The following STIL variants were observed in gnomAD, a reference collection of about 807,000 sequenced individuals.
STIL encodes the protein SCL-interrupting locus protein.
In STIL, 55 loss-of-function variants were observed where a neutral mutation model predicts 110.1. The observed-to-expected ratio is 0.50, with a 90% CI of 0.40 to 0.63. STIL has a LOEUF of 0.63. Among genes scored for constraint, STIL ranks in the 20% least tolerant of loss-of-function variants. STIL has a pLI of 0.00. For missense variants in STIL, 1,358 were observed against 1,530.0 expected (o/e 0.89, Z 1.87); for synonymous variants, 481 against 530.0 (o/e 0.91, Z 1.27).
chr1:47,291,826 A>G (rs1301680500), intron 8 of STIL, among the ~76,000 whole-genome samples: 3 of 152,070 alleles, frequency 2.0e-5, no homozygotes, highest in Non-Finnish European at 4.4e-5. Context: ...TTGGCCTCCC[A>G]AAGTGTTGGG....
intron 6 of STIL, among the ~76,000 whole-genome samples, chr1:47,296,500 A>G (rs955210042): frequency 1.2e-4 from 19 of 152,200 alleles, no homozygotes; most frequent in Non-Finnish European, 1.0e-4. Flanking sequence ...GTCTTTCTTC[A>G]AAAACAATGC....
In STIL at chr1:47,279,727, C is replaced by CAAAA. The variant is rs11371469; in HGVS notation, c.2217+510_2217+513dup. On this transcript the variant is annotated intron_variant, in intron 12 of 16. Transcript: ENST00000371877. The stretch of plus-strand genomic sequence containing the variant: ...CTGCGCAACAGAAGAGACTCCGTCT[C>CAAAA]AAAAAAAAAAAAAAAAAACAACAAA... Among the ~76,000 whole-genome samples the CAAAA allele has an allele frequency of 1.7e-3, 144 of 82,740 alleles. 2 individuals are homozygous for CAAAA. The highest frequency in any genetic ancestry group is 5.1e-3 in the African/African-American group (124 of 24,152). The allele number at this position is 82,740 out of a possible 152,430, so 54.3% of individuals were successfully genotyped here. A position where few individuals can be genotyped will look rare whatever the true frequency, so the allele number is the denominator to read the frequency against.
intron 2 of STIL, among the ~76,000 whole-genome samples, chr1:47,306,527 T>C (rs1645966078): frequency 1.3e-5 from 2 of 152,232 alleles, no homozygotes; most frequent in South Asian, 4.1e-4. Context: ...GCACTGGGAT[T>C]ATAGGCATGA....
chr1:47,314,799 C>A (rs1409902881), upstream of STIL, among the ~76,000 whole-genome samples: 1 of 151,856 alleles, frequency 6.6e-6, no homozygotes, highest in African/African-American at 2.4e-5. Context: ...GATATCGGCT[C>A]ACCGCAACCT....
At chr1:47,270,482 G>A (rs1174157882) in intron 13 of STIL, among the ~76,000 whole-genome samples, 1 of 151,640 alleles carries the variant, frequency 6.6e-6, no homozygotes, top group East Asian at 1.9e-4. Flanking sequence ...ATGATCCGTG[G>A]GATGGGGTGT....
At chr1:47,278,145 C>T (rs774635261) in intron 12 of STIL, among the ~76,000 whole-genome samples, 1 of 152,172 alleles carries the variant, frequency 6.6e-6, no homozygotes, top group Non-Finnish European at 1.5e-5. Context: ...TATAGAGATA[C>T]TTGCACATAG....
chr1:47,271,985 C>T, intron 13 of STIL, 91 bp downstream of exon 13: 1 of 1,408,762 alleles, frequency 7.1e-7, no homozygotes. Context: ...TCCTACTGCA[C>T]CATGCACCAA....
chr1:47,263,744 G>GTTTTTTTTTTTTTTTTTTTTTTTT (rs60915271), intron 14 of STIL, among the ~76,000 whole-genome samples: 1 of 98,312 alleles, frequency 1.0e-5, no homozygotes, highest in Non-Finnish European at 2.0e-5. Flanking sequence ...TTCATTCCAA[G>GTTTTTTTTTTTTTTTTTTTTTTTT]TTTTTTTTTT....
chr1:47,274,487 TG>T (rs1338146734), intron 12 of STIL, among the ~76,000 whole-genome samples: 3 of 147,474 alleles, frequency 2.0e-5, no homozygotes, highest in African/African-American at 7.5e-5. Flanking sequence ...GCTAATTTTT[TG>T]TATTTTTTTT....
At chr1:47,293,378 C>T in intron 8 of STIL, 80 bp downstream of exon 8, 1 of 1,163,452 alleles carries the variant, frequency 8.6e-7, no homozygotes, top group Non-Finnish European at 1.3e-6. Flanking sequence ...TACGGCATTA[C>T]ATGAATTTTA....
At chr1:47,260,264 T>C (rs764929485) in intron 16 of STIL, 25 bp downstream of exon 16, 1 of 1,600,768 alleles carries the variant, frequency 6.2e-7, no homozygotes, top group South Asian at 1.2e-5. Context: ...TTATTCACTC[T>C]TTAAAACAAA....
chr1:47,258,992 CTTT>C (rs549227243), intron 16 of STIL, among the ~76,000 whole-genome samples: 2 of 94,398 alleles, frequency 2.1e-5, no homozygotes, highest in Non-Finnish European at 1.9e-5. Flanking sequence ...AGTAACTTTG[CTTT>C]TTTTTTTTTT....
chr1:47,273,269 G>A lies in STIL; in HGVS notation c.2218-1028C>T, dbSNP rs189708972. ...AAAGTGTACAATTCAGTGGTTTTTG[G>A]TATACTCACAAAGTGTGCAATAATC... On this transcript the variant is annotated intron_variant, in intron 12 of 16. Transcript: ENST00000371877. Among the ~76,000 whole-genome samples, 5 of 152,140 alleles carry A rather than the reference G, an allele frequency of 3.3e-5. No homozygotes were observed. In the East Asian group the frequency reaches 9.7e-4, roughly 29 times the overall value.
chr1:47,288,543 C>T (rs1175320601), intron 9 of STIL, among the ~76,000 whole-genome samples: 1 of 151,892 alleles, frequency 6.6e-6, no homozygotes, highest in African/African-American at 2.4e-5. Context: ...GTGATCCGCC[C>T]ACCTCGGCCT....
rs377671935 is a variant in STIL at position 47,275,760 on chromosome 1, G to A, written c.2218-3519C>T. 5.2e-4 allele frequency among the ~76,000 whole-genome samples: 79 copies of A among 152,076 alleles called. 2 individuals carry two copies. In the East Asian group the frequency reaches 0.013, roughly 25 times the overall value. The stretch of plus-strand genomic sequence containing the variant: ...CTGCTTCAGTCTCCCAAGGAGCTGG[G>A]ATTACAGGTGCGCAACACTATGGCC... On this transcript the variant is annotated intron_variant, in intron 12 of 16. Coordinates refer to ENST00000371877, the MANE Select transcript of STIL (RefSeq NM_001048166.1).
At position 47,250,825 on chromosome 1, in the gene STIL, A is replaced by C; in HGVS notation, c.*311T>G. 1 of 255,398 alleles carries C rather than the reference A, an allele frequency of 3.9e-6. No individual in the cohort carries two copies. The highest frequency in any genetic ancestry group is 7.5e-6 in the Non-Finnish European group (1 of 133,182). 15.8% of individuals were successfully genotyped at this position (255,398 alleles called of 1,614,324 possible). A position where few individuals can be genotyped will look rare whatever the true frequency, so the allele number is the denominator to read the frequency against. The stretch of plus-strand genomic sequence containing the variant: ...AAGAGCAAAACTCCGTCTCAAAAAA[A>C]AAAGTACAGTATAAAAGAGCAGTTG... On this transcript the variant is annotated 3_prime_UTR_variant, in exon 17 of 17. Coordinates refer to ENST00000371877, the MANE Select transcript of STIL (RefSeq NM_001048166.1).
At chr1:47,271,923 A>C (rs1644852119) in intron 13 of STIL, among the ~76,000 whole-genome samples, 153 bp downstream of exon 13, 2 of 152,246 alleles carry the variant, frequency 1.3e-5, no homozygotes, top group South Asian at 4.1e-4. Context: ...TATTTCACAA[A>C]GACTAAAATC....
At chr1:47,279,833 A>G (rs181695506) in intron 12 of STIL, among the ~76,000 whole-genome samples, 51 of 152,288 alleles carry the variant, frequency 3.3e-4, no homozygotes, top group Admixed American at 9.2e-4. Context: ...CAGTATAGAT[A>G]TGCAGAAAGG....
intron 2 of STIL, among the ~76,000 whole-genome samples, chr1:47,307,834 G>A (rs1646006667): frequency 6.6e-6 from 1 of 152,206 alleles, no homozygotes; most frequent in Non-Finnish European, 1.5e-5. Context: ...GAAAGAAAAT[G>A]CGCACCTAGG....
Sources: gnomAD v4.1 joint callset for allele counts (sites outside exome capture counted in the v4.1 genomes callset) on GRCh38, gnomAD v4.1.1 for gene constraint, MANE v1.5 for transcripts, NCBI Gene and HGNC (gene_info 2026-07-23, HGNC 2026-07-21) for gene names.